MRM3: variants seen among roughly 807,000 people sequenced by gnomAD.
The protein encoded by MRM3 is mitochondrial rRNA methyltransferase 3, also known as rRNA methyltransferase 3, mitochondrial.
MRM3 carries 26 observed loss-of-function variants against 29.4 expected under a neutral mutation model. The observed-to-expected ratio is 0.89, with a 90% CI of 0.65 to 1.23. The LOEUF is 1.23. MRM3 is among the 50% of genes most tolerant of loss of function. MRM3 has a pLI of 0.00. For synonymous variants in MRM3, 225 were observed against 219.0 expected, an observed-to-expected ratio of 1.03 and a Z score of -0.24; for missense variants, 578 against 540.2, an observed-to-expected ratio of 1.07 and a Z score of -0.69.
At chr17:783,056 G>GTTTTTT (rs34512506) in intron 1 of MRM3, 27 bp from the exon 2 acceptor site, 20 of 1,352,220 alleles carry the variant, frequency 1.5e-5, no homozygotes, top group South Asian at 2.8e-5. Context: ...ATAGTTACCT[G>GTTTTTT]TTTTTTTTTT....
At chr17:784,125 G>A (rs534231333) in intron 2 of MRM3, among the ~76,000 whole-genome samples, 2 of 152,318 alleles carry the variant, frequency 1.3e-5, no homozygotes, top group South Asian at 4.1e-4. Flanking sequence ...TAACTCCGAT[G>A]TTGATTAGCA....
Position 782,431 on chromosome 17 carries a change from T to C in MRM3, c.53T>C (p.Val18Ala), listed in dbSNP as rs200875671. The part of the protein sequence containing the change: ...ARFVVRPLLQ[V>A]VQAWDLDARR... ...TTTGTCGTGCGACCGTTGCTGCAGG[T>C]GGTCCAGGCTTGGGACCTTGACGCG... The change falls in exon 1 of 4, where the codon GTG (valine) becomes GCG (alanine). Residue 18 changes from valine (V) to alanine (A), a missense_variant. Transcript: ENST00000304478. The C allele has an allele frequency of 1.2e-4, 197 of 1,613,966 alleles. No individual in the cohort carries two copies. In the Middle Eastern group the frequency reaches 2.6e-3, roughly 22 times the overall value.
At chr17:788,281 A>C in intron 3 of MRM3, 149 bp downstream of exon 3, 1 of 737,298 alleles carries the variant, frequency 1.4e-6, no homozygotes, top group East Asian at 2.7e-5. Context: ...AACTACAATT[A>C]GCTGGGTGTG....
At chr17:789,730 T>C (rs1310129662) in intron 3 of MRM3, 2 of 152,250 alleles carry the variant, frequency 1.3e-5, no homozygotes, top group African/African-American at 4.8e-5. Context: ...CCCCATTATT[T>C]AGTGCTCTGA....
rs776722873 is a variant in MRM3 at position 791,612 on chromosome 17, TG to T, written c.808del (p.Glu270AsnfsTer44). The T allele has an allele frequency of 5.1e-5, 82 of 1,614,078 alleles. No homozygotes were observed. Among genetic ancestry groups the T allele is most frequent in the Non-Finnish European group, 5.6e-5 (66 of 1,180,044 alleles). ...TTCCGGATGCCCATTATCAATAATC[TG>T]GAATGGGAAACCGTGCCCAATTACC... ...AHFRMPIINN[L>X]EWETVPNYLP... is the part of the protein sequence containing the mutation. On this transcript the variant is annotated frameshift_variant, in exon 4 of 4. Transcript: ENST00000304478. LOFTEE classifies it high-confidence loss of function.
chr17:791,437 G>A (rs1056885482), intron 3 of MRM3, 97 bp from the exon 4 acceptor site: 1 of 1,276,010 alleles, frequency 7.8e-7, no homozygotes, highest in Non-Finnish European at 1.1e-6. Flanking sequence ...TAGAAGAACT[G>A]GTTTATCTCC....
Position 782,568 on chromosome 17 carries a change from G to A in MRM3, c.190G>A (p.Glu64Lys). 1 of 1,614,136 alleles carries A rather than the reference G, an allele frequency of 6.2e-7. No individual in the cohort carries two copies. The highest frequency in any genetic ancestry group is 8.5e-7 in the Non-Finnish European group (1 of 1,180,006). ...GAAGCAGCCCCGCAAGGCACCATCTGAGGCCAGTGCCCAGGAGCAACGAGA... is the reference window on the plus strand; with the variant it reads ...GAAGCAGCCCCGCAAGGCACCATCTAAGGCCAGTGCCCAGGAGCAACGAGA... Reference protein sequence around the residue: ...PGKQPRKAPSEASAQEQREKQ... With the variant: ...PGKQPRKAPSKASAQEQREKQ... The change falls in exon 1 of 4, where the codon GAG becomes AAG. Residue 64 changes from glutamate to lysine, a missense_variant. Glu to Lys is a moderately conservative substitution (Grantham distance 56). Coordinates refer to ENST00000304478, the MANE Select transcript of MRM3 (RefSeq NM_018146.4).
Position 788,123 on chromosome 17 carries a change from C to T in MRM3, c.718C>T (p.Leu240Phe). The change falls in exon 3 of 4, where the codon CTC becomes TTC. Residue 240 changes from leucine (L) to phenylalanine (F), a missense_variant. Leu to Phe is a conservative substitution (Grantham distance 22). Transcript: ENST00000304478. ...AAGAGCSKVL[L>F]TKGCVDAWEP... is the part of the protein sequence containing the mutation. The stretch of plus-strand genomic sequence containing the variant: ...TGGGGCAGGCTGCAGCAAAGTGTTA[C>T]TCACCAAAGGTAAGGACATCAAAGG... 2 of 1,614,108 alleles carry T rather than the reference C, an allele frequency of 1.2e-6. No individual in the cohort carries two copies. The highest frequency in any genetic ancestry group is 1.7e-6 in the Non-Finnish European group (2 of 1,180,002).
In MRM3 at chr17:791,830, T is replaced by TA; in HGVS notation, c.1025dup (p.Tyr342Ter). Residue 342 changes from tyrosine (Y) to a stop codon, truncating the protein, a stop_gained and frameshift_variant, in exon 4 of 4, where the codon TAC becomes TAAC. Transcript: ENST00000304478. LOFTEE classifies it high-confidence loss of function. ...DWLPHVEVQS[Y>*]DSDWTEAPAA... is the part of the protein sequence containing the mutation. The stretch of plus-strand genomic sequence containing the variant: ...GCTGCCTCATGTTGAGGTTCAGAGT[T>TA]ACGACTCGGACTGGACAGAGGCGCC... 1 of 1,614,164 alleles carries TA rather than the reference T, an allele frequency of 6.2e-7. No homozygotes were observed. The highest frequency in any genetic ancestry group is 8.5e-7 in the Non-Finnish European group (1 of 1,180,038).
At chr17:788,216 C>T in intron 3 of MRM3, 84 bp downstream of exon 3, 1 of 1,413,182 alleles carries the variant, frequency 7.1e-7, no homozygotes, top group Non-Finnish European at 9.8e-7. Flanking sequence ...TCACTTGAGC[C>T]CAGGAGTTCA....
intron 3 of MRM3, among the ~76,000 whole-genome samples, chr17:788,960 G>A (rs1055765052): frequency 6.6e-6 from 1 of 152,182 alleles, no homozygotes; most frequent in African/African-American, 2.4e-5. Context: ...TGCCTCACGA[G>A]TAATTCAGTC....
At position 788,073 on chromosome 17, in the gene MRM3, T is replaced by C; in HGVS notation, c.668T>C (p.Leu223Pro). Residue 223 changes from leucine (L) to proline (P), a missense_variant, in exon 3 of 4, where the codon CTG becomes CCG. By Grantham distance (98) the Leu-to-Pro change is moderately conservative. Coordinates refer to ENST00000304478, the MANE Select transcript of MRM3 (RefSeq NM_018146.4). ...ICDNLRDPGN[L>P]GTILRSAAGA... ...GACAATCTCCGTGACCCTGGGAACC[T>C]GGGGACAATTCTGAGATCTGCAGCT... 1 of 1,614,188 alleles carries C rather than the reference T, an allele frequency of 6.2e-7. No homozygotes were observed. Among genetic ancestry groups the C allele is most frequent in the Non-Finnish European group, 8.5e-7 (1 of 1,180,024 alleles).
rs957000155 is a variant in MRM3, at chr17:782,774, G to A, written c.314+82G>A. 176 of 1,416,794 alleles carry A rather than the reference G, an allele frequency of 1.2e-4. No homozygotes were observed. The African/African-American group carries it at 2.2e-3, about 18-fold the overall frequency. The allele number at this position is 1,416,794 out of a possible 1,614,324, so 87.8% of individuals were successfully genotyped here. A position where few individuals can be genotyped will look rare whatever the true frequency, so the allele number is the denominator to read the frequency against. ...GAACCTTAACCTCCTTCCGATGGAG[G>A]ACTTCTTCCAGTACAGCCCGCTGGT... On this transcript the variant is annotated intron_variant, in intron 1 of 3. Coordinates refer to ENST00000304478, the MANE Select transcript of MRM3 (RefSeq NM_018146.4).
intron 3 of MRM3, 130 bp from the exon 4 acceptor site, chr17:791,404 C>T: frequency 1.1e-6 from 1 of 892,368 alleles, no homozygotes; most frequent in Non-Finnish European, 1.7e-6. Context: ...GGCAGAAGGT[C>T]CCATCCCTCA....
chr17:784,640 C>T (rs1910447759), intron 2 of MRM3, among the ~76,000 whole-genome samples: 1 of 152,150 alleles, frequency 6.6e-6, no homozygotes, highest in South Asian at 2.1e-4. Context: ...CCTGGCTTAT[C>T]CTTATGTTAC....
At position 785,758 on chromosome 17, in the gene MRM3, T is replaced by C. The variant is rs527918411; in HGVS notation, c.560-2207T>C. On this transcript the variant is annotated intron_variant, in intron 2 of 3. Coordinates refer to ENST00000304478, the MANE Select transcript of MRM3 (RefSeq NM_018146.4). ...TTCAAGTTTTGAAATTCATATTCTT[T>C]TTCCTAGGAATGTAGTTTGAATTTT... 1.7e-4 allele frequency among the ~76,000 whole-genome samples: 26 copies of C among 152,374 alleles called. 1 individual carries two copies. In the East Asian group the frequency reaches 5.0e-3, roughly 29 times the overall value.
Position 791,619 on chromosome 17 carries a change from G to T in MRM3, c.813G>T (p.Trp271Cys). The T allele has an allele frequency of 6.2e-7, 1 of 1,614,230 alleles. No individual in the cohort carries two copies. Among genetic ancestry groups the T allele is most frequent in the Non-Finnish European group, 8.5e-7 (1 of 1,180,050 alleles). ...FRMPIINNLE[W>C]ETVPNYLPPD... Reference sequence around the variant, plus strand: ...TGCCCATTATCAATAATCTGGAATGGGAAACCGTGCCCAATTACCTGCCCC... The same window carrying T: ...TGCCCATTATCAATAATCTGGAATGTGAAACCGTGCCCAATTACCTGCCCC... The change falls in exon 4 of 4, where the codon TGG (tryptophan) becomes TGT (cysteine). Residue 271 changes from tryptophan (W) to cysteine (C), a missense_variant. Physicochemically the swap from Trp to Cys is radical, Grantham distance 215. Coordinates refer to ENST00000304478, the MANE Select transcript of MRM3 (RefSeq NM_018146.4).
At chr17:784,257 C>G (rs533103827) in intron 2 of MRM3, among the ~76,000 whole-genome samples, 1 of 152,224 alleles carries the variant, frequency 6.6e-6, no homozygotes, top group African/African-American at 2.4e-5. Flanking sequence ...GGGGAACCAT[C>G]TCTTGTCTCT....
At chr17:782,871 GTTGT>G (rs1055859613) in intron 1 of MRM3, among the ~76,000 whole-genome samples, 179 bp downstream of exon 1, 3 of 152,182 alleles carry the variant, frequency 2.0e-5, no homozygotes, top group African/African-American at 7.2e-5. Flanking sequence ...GCTCTTTGTT[GTTGT>G]TTTTGTTTCA....
Sources: allele counts gnomAD v4.1 joint callset (sites outside exome capture counted in the v4.1 genomes callset), GRCh38; gene constraint gnomAD v4.1.1; transcripts MANE v1.5; gene names NCBI Gene and HGNC (gene_info 2026-07-23, HGNC 2026-07-21).